The following TENM3 variants were observed in gnomAD, a reference collection of about 807,000 sequenced individuals.
TENM3 encodes the protein teneurin transmembrane protein 3.
TENM3 carries 63 observed loss-of-function variants against 255.1 expected under a neutral mutation model. The ratio of observed to expected loss-of-function variants is 0.25; its 90% CI spans 0.20 to 0.30. The LOEUF is 0.30. Ranked by LOEUF, TENM3 falls within the 10% of genes least tolerant of loss-of-function variation. The pLI, the probability that TENM3 is intolerant of heterozygous loss-of-function variation, is 1.00. For missense variants in TENM3, 2,929 were observed against 3,461.1 expected, an observed-to-expected ratio of 0.85 and a Z score of 3.86; for synonymous variants, 1,306 against 1,322.3, an observed-to-expected ratio of 0.99 and a Z score of 0.27.
chr4:182,759,711 T>A (rs546006418), intron 22 of TENM3, among the ~76,000 whole-genome samples: 1 of 152,364 alleles, frequency 6.6e-6, no homozygotes, highest in South Asian at 2.1e-4. Context: ...CAGGAAGAAT[T>A]CTAGGAGAAG....
At chr4:181,610,707 G>T in the TENM3 span, among the ~76,000 whole-genome samples, 4 of 151,838 alleles carry the variant, frequency 2.6e-5, no homozygotes, top group East Asian at 1.9e-4. Flanking sequence ...AGTCTGGGGG[G>T]TGGTGTGTGT....
chr4:181,454,763 G>A, the TENM3 span, among the ~76,000 whole-genome samples: 3 of 127,504 alleles, frequency 2.4e-5, no homozygotes, highest in South Asian at 4.9e-4. Context: ...GTTCAGTAGA[G>A]TAACCAGTAA....
chr4:182,052,529 A>G, the TENM3 span, among the ~76,000 whole-genome samples: 8 of 152,182 alleles, frequency 5.3e-5, no homozygotes, highest in Non-Finnish European at 8.8e-5. Flanking sequence ...AATGGCAGCA[A>G]GGTTGTACCT....
At chr4:182,492,429 A>G (rs1234668692) in intron 3 of TENM3, among the ~76,000 whole-genome samples, 2 of 152,206 alleles carry the variant, frequency 1.3e-5, no homozygotes, top group East Asian at 1.9e-4. Flanking sequence ...GACAAAGTCA[A>G]TTATAACTAA....
intron 2 of TENM3, among the ~76,000 whole-genome samples, chr4:182,342,748 A>G (rs1764563693): frequency 6.6e-6 from 1 of 152,160 alleles, no homozygotes. Context: ...TGAGGAGAGA[A>G]TGCCTTCCCC....
intron 18 of TENM3, among the ~76,000 whole-genome samples, chr4:182,741,933 A>G (rs1400149528): frequency 6.6e-6 from 1 of 152,224 alleles, no homozygotes; most frequent in Non-Finnish European, 1.5e-5. Flanking sequence ...GGGAAAAAGC[A>G]CTTTCTCAAG....
At chr4:181,827,220 T>C in the TENM3 span, among the ~76,000 whole-genome samples, 2 of 152,306 alleles carry the variant, frequency 1.3e-5, no homozygotes, top group South Asian at 2.1e-4. Context: ...CGATTAGTGC[T>C]AACAGATGGT....
chr4:181,748,668 G>A, the TENM3 span, among the ~76,000 whole-genome samples: 1 of 152,056 alleles, frequency 6.6e-6, no homozygotes, highest in East Asian at 1.9e-4. Flanking sequence ...AAAAAAGTAA[G>A]TTGTAAAAAT....
the TENM3 span, among the ~76,000 whole-genome samples, chr4:181,500,282 G>A: frequency 6.6e-6 from 1 of 151,214 alleles, no homozygotes; most frequent in Non-Finnish European, 1.5e-5. Context: ...GCCTGCCCCT[G>A]CCTCCCAAAG....
the TENM3 span, among the ~76,000 whole-genome samples, chr4:181,500,467 G>A: frequency 3.9e-5 from 6 of 152,138 alleles, no homozygotes; most frequent in Non-Finnish European, 5.9e-5. Context: ...TGTGGCTATG[G>A]ATGAAAAGAC....
intron 3 of TENM3, among the ~76,000 whole-genome samples, chr4:182,456,293 T>G (rs1773872537): frequency 6.6e-6 from 1 of 152,192 alleles, no homozygotes; most frequent in African/African-American, 2.4e-5. Context: ...GTTATTTTGT[T>G]GTTGTTATTG....
At chr4:182,579,604 G>C (rs1241482358) in intron 3 of TENM3, among the ~76,000 whole-genome samples, 1 of 152,154 alleles carries the variant, frequency 6.6e-6, no homozygotes, top group Non-Finnish European at 1.5e-5. Context: ...ACATAGGGAA[G>C]AGAGAAATAT....
chr4:182,622,118 TGGGA>T (rs1750337425), intron 4 of TENM3, among the ~76,000 whole-genome samples: 1 of 152,034 alleles, frequency 6.6e-6, no homozygotes, highest in Non-Finnish European at 1.5e-5. Flanking sequence ...CCCAGCACTT[TGGGA>T]GGCCAAGGCG....
the TENM3 span, among the ~76,000 whole-genome samples, chr4:182,035,025 G>A: frequency 6.6e-6 from 1 of 152,026 alleles, no homozygotes; most frequent in Non-Finnish European, 1.5e-5. Flanking sequence ...ACCCCAATCA[G>A]TCTTAGGTTC....
intron 3 of TENM3, among the ~76,000 whole-genome samples, chr4:182,436,249 C>A (rs1265716244): frequency 6.6e-6 from 1 of 152,106 alleles, no homozygotes; most frequent in African/African-American, 2.4e-5. Context: ...AGATGTTTCC[C>A]TTATCCAAAC....
the TENM3 span, among the ~76,000 whole-genome samples, chr4:181,594,173 T>C: frequency 1.6e-4 from 25 of 152,214 alleles, no homozygotes; most frequent in African/African-American, 5.5e-4. Context: ...AAACTTATTA[T>C]GCTTTTTACA....
the TENM3 span, among the ~76,000 whole-genome samples, chr4:181,866,468 T>C: frequency 6.6e-6 from 1 of 152,222 alleles, no homozygotes; most frequent in African/African-American, 2.4e-5. Context: ...GAATGAGAAG[T>C]CACTGCAATT....
At chr4:181,784,406 C>G in the TENM3 span, among the ~76,000 whole-genome samples, 2 of 151,990 alleles carry the variant, frequency 1.3e-5, no homozygotes, top group Non-Finnish European at 2.9e-5. Flanking sequence ...ATAAAACATA[C>G]TTAATAATAA....
At chr4:182,252,838 A>G (rs924209051) in intron 1 of TENM3, among the ~76,000 whole-genome samples, 1 of 152,162 alleles carries the variant, frequency 6.6e-6, no homozygotes, top group African/African-American at 2.4e-5. Flanking sequence ...AACAGTCACA[A>G]CAGTCCTTTC....
Sources: gnomAD v4.1 joint callset for allele counts (sites outside exome capture counted in the v4.1 genomes callset) on GRCh38, gnomAD v4.1.1 for gene constraint, MANE v1.5 for transcripts, NCBI Gene and HGNC (gene_info 2026-07-23, HGNC 2026-07-21) for gene names.